CSTPP1: variants seen among roughly 807,000 people sequenced by gnomAD.
The protein encoded by CSTPP1 is UPF0705 protein C11orf49.
the CSTPP1 span, among the ~76,000 whole-genome samples, chr11:47,075,956 T>TTGGAGG: frequency 1.5e-5 from 2 of 136,690 alleles, no homozygotes; most frequent in African/African-American, 5.4e-5. Flanking sequence ...AAAAAAAGAA[T>TTGGAGG]TGGAGGTGTC....
chr11:47,150,844 G>C, the CSTPP1 span, among the ~76,000 whole-genome samples: 2 of 151,302 alleles, frequency 1.3e-5, no homozygotes, highest in African/African-American at 4.8e-5. Context: ...AGATCCAAAT[G>C]GGGGAACGTG....
chr11:46,983,071 T>G, the CSTPP1 span, among the ~76,000 whole-genome samples: 2 of 152,208 alleles, frequency 1.3e-5, no homozygotes, highest in East Asian at 1.9e-4. Context: ...TATGCTGTTT[T>G]AATCTGTAGA....
At chr11:47,073,101 TATA>T in the CSTPP1 span, among the ~76,000 whole-genome samples, 1 of 152,256 alleles carries the variant, frequency 6.6e-6, no homozygotes, top group Non-Finnish European at 1.5e-5. Context: ...TCTGAGTTTT[TATA>T]ATGAGCATAT....
chr11:47,059,194 G>A, the CSTPP1 span, among the ~76,000 whole-genome samples: 1 of 152,172 alleles, frequency 6.6e-6, no homozygotes, highest in Non-Finnish European at 1.5e-5. Flanking sequence ...GTCCTGTTGG[G>A]GGGCTGGGGG....
the CSTPP1 span, among the ~76,000 whole-genome samples, chr11:47,043,336 A>G: frequency 6.6e-6 from 1 of 152,114 alleles, no homozygotes; most frequent in South Asian, 2.1e-4. Context: ...TTGAGCCAGG[A>G]GTTTGAGACC....
At chr11:47,145,199 G>C in the CSTPP1 span, among the ~76,000 whole-genome samples, 1 of 151,890 alleles carries the variant, frequency 6.6e-6, no homozygotes, top group Non-Finnish European at 1.5e-5. Flanking sequence ...TGTTGGCCAG[G>C]ATGGTCCCAA....
chr11:46,963,950 A>G, the CSTPP1 span, among the ~76,000 whole-genome samples: 43 of 152,274 alleles, frequency 2.8e-4, no homozygotes, highest in African/African-American at 1.0e-3. Context: ...CACCTAATTC[A>G]TTATTTTTAA....
chr11:47,105,829 G>A, the CSTPP1 span, among the ~76,000 whole-genome samples: 9 of 152,142 alleles, frequency 5.9e-5, no homozygotes, highest in Non-Finnish European at 7.3e-5. Context: ...GCTCCTTTTC[G>A]TCAAAGATGT....
chr11:46,968,133 C>T, the CSTPP1 span, among the ~76,000 whole-genome samples: 2 of 151,530 alleles, frequency 1.3e-5, no homozygotes, highest in African/African-American at 4.8e-5. Context: ...CTTGACTTCT[C>T]AGAAGGTCAG....
the CSTPP1 span, among the ~76,000 whole-genome samples, chr11:46,962,709 T>A: frequency 6.6e-6 from 1 of 152,224 alleles, no homozygotes; most frequent in Non-Finnish European, 1.5e-5. Context: ...CTGTTTTCTC[T>A]ATTTCACCTT....
At chr11:46,958,820 C>A in the CSTPP1 span, among the ~76,000 whole-genome samples, 2 of 152,142 alleles carry the variant, frequency 1.3e-5, no homozygotes, top group Non-Finnish European at 2.9e-5. Flanking sequence ...GCCTGAGAAC[C>A]AGAAGCCTTG....
At chr11:47,142,834 AC>A in the CSTPP1 span, among the ~76,000 whole-genome samples, 1 of 152,198 alleles carries the variant, frequency 6.6e-6, no homozygotes, top group African/African-American at 2.4e-5. Flanking sequence ...AGTTATTGAT[AC>A]CAAGGGGCTT....
At chr11:47,084,530 A>G in the CSTPP1 span, among the ~76,000 whole-genome samples, 1 of 152,136 alleles carries the variant, frequency 6.6e-6, no homozygotes, top group African/African-American at 2.4e-5. Context: ...TTTTATGTTT[A>G]GGCCTATAAT....
At chr11:47,142,317 C>T in the CSTPP1 span, among the ~76,000 whole-genome samples, 1 of 151,446 alleles carries the variant, frequency 6.6e-6, no homozygotes, top group African/African-American at 2.4e-5. Context: ...TGTGGTTTTG[C>T]CATTATTTTC....
chr11:47,011,137 C>T, the CSTPP1 span, among the ~76,000 whole-genome samples: 2 of 152,234 alleles, frequency 1.3e-5, no homozygotes, highest in South Asian at 4.2e-4. Context: ...GAATTTGAAA[C>T]ATTTATCACC....
At chr11:46,991,929 C>T in the CSTPP1 span, among the ~76,000 whole-genome samples, 49,377 of 151,770 alleles carry the variant, frequency 0.33, 9,493 homozygotes, top group Non-Finnish European at 0.42. Flanking sequence ...TTACTAGAGA[C>T]GGGGTTTCAC....
At chr11:47,036,087 T>TTATATTA in the CSTPP1 span, among the ~76,000 whole-genome samples, 4 of 15,126 alleles carry the variant, frequency 2.6e-4, 1 homozygote, top group East Asian at 4.3e-4. Flanking sequence ...ATTATATATA[T>TTATATTA]TATATTATAT....
chr11:47,042,204 A>G, the CSTPP1 span, among the ~76,000 whole-genome samples: 1 of 152,230 alleles, frequency 6.6e-6, no homozygotes, highest in Admixed American at 6.5e-5. Context: ...CCTGTCCAAA[A>G]AAATAAAAAA....
At chr11:46,981,186 T>A in the CSTPP1 span, among the ~76,000 whole-genome samples, 2 of 151,980 alleles carry the variant, frequency 1.3e-5, no homozygotes, top group Non-Finnish European at 2.9e-5. Flanking sequence ...TAGGGAAATA[T>A]TTACCATTGG....
Sources: allele counts gnomAD v4.1 joint callset (sites outside exome capture counted in the v4.1 genomes callset), GRCh38; gene constraint gnomAD v4.1.1; transcripts MANE v1.5; gene names NCBI Gene and HGNC (gene_info 2026-07-23, HGNC 2026-07-21).